The following HBP1 variants were observed in gnomAD, a reference collection of about 807,000 sequenced individuals.
The protein encoded by HBP1 is HMG-box transcription factor 1.
A neutral mutation model predicts 62.6 loss-of-function variants in HBP1; 20 were observed. The observed-to-expected ratio is 0.32, with a 90% confidence interval of 0.22 to 0.46. HBP1 has a LOEUF of 0.46. Ranked by LOEUF, HBP1 falls within the 20% of genes least tolerant of loss-of-function variation. HBP1 has a pLI of 1.00. For missense variants in HBP1, 480 were observed against 611.8 expected (o/e 0.78, Z 2.27); for synonymous variants, 232 against 206.2 (o/e 1.12, Z -1.07).
intron 1 of HBP1, among the ~76,000 whole-genome samples, chr7:107,170,697 G>A (rs1236858092): frequency 6.6e-6 from 1 of 151,856 alleles, no homozygotes; most frequent in East Asian, 1.9e-4. Context: ...TCACTTTCTA[G>A]TTTCATCTTA....
chr7:107,191,729 C>A (rs1328014566), intron 8 of HBP1, among the ~76,000 whole-genome samples: 16 of 152,104 alleles, frequency 1.1e-4, no homozygotes, highest in Admixed American at 1.0e-3. Flanking sequence ...AAAAATAAGT[C>A]TTGGAAATAT....
At chr7:107,194,484 T>C (rs991463978) in intron 8 of HBP1, among the ~76,000 whole-genome samples, 2 of 152,206 alleles carry the variant, frequency 1.3e-5, no homozygotes, top group African/African-American at 4.8e-5. Context: ...TGAGGTAATT[T>C]TGGAGTCATA....
At chr7:107,190,737 A>G (rs1293884580) in intron 8 of HBP1, among the ~76,000 whole-genome samples, 1 of 152,156 alleles carries the variant, frequency 6.6e-6, no homozygotes, top group Non-Finnish European at 1.5e-5. Flanking sequence ...TTTGTTTCAT[A>G]CTCATTTTGA....
chr7:107,187,361 T>C (rs558766039), intron 6 of HBP1, among the ~76,000 whole-genome samples: 2 of 152,364 alleles, frequency 1.3e-5, no homozygotes, highest in African/African-American at 4.8e-5. Flanking sequence ...AAGCCAATTA[T>C]ATTAAGTTAC....
intron 1 of HBP1, 50 bp from the exon 2 acceptor site, chr7:107,179,829 C>T (rs1440831280): frequency 1.6e-6 from 2 of 1,259,554 alleles, no homozygotes; most frequent in East Asian, 2.4e-5. Flanking sequence ...TTGTGTACTG[C>T]CCAAATTGCA....
intron 4 of HBP1, among the ~76,000 whole-genome samples, chr7:107,186,147 C>CTTTTTTTTTTTT (rs961142033): frequency 7.4e-6 from 1 of 135,116 alleles, no homozygotes; most frequent in African/African-American, 2.8e-5. Context: ...TTGTGTGTGT[C>CTTTTTTTTTTTT]TTTTTTTTCT....
chr7:107,174,264 G>T (rs774920180), intron 1 of HBP1, among the ~76,000 whole-genome samples: 3 of 152,182 alleles, frequency 2.0e-5, no homozygotes, highest in Non-Finnish European at 4.4e-5. Context: ...TTCTCTTACT[G>T]TATGGTAGCT....
chr7:107,180,072 AT>A lies in HBP1; in HGVS notation c.169+12del. 1.3e-6 allele frequency: 2 copies of A among 1,519,170 alleles called. No homozygotes were observed. The highest frequency in any genetic ancestry group is 1.8e-6 in the Non-Finnish European group (2 of 1,108,116). 94.1% of individuals were successfully genotyped at this position (1,519,170 alleles called of 1,614,324 possible). A position where few individuals can be genotyped will look rare whatever the true frequency, so the allele number is the denominator to read the frequency against. On this transcript the variant is annotated intron_variant, in intron 2 of 10. Coordinates refer to ENST00000222574, the MANE Select transcript of HBP1 (RefSeq NM_012257.4). ...GAACACATGGAGCTTGGTAAGCAAA[AT>A]TAAAAGTTATATAGAAATCTCACTA...
At chr7:107,171,837 GCA>G (rs1796613873) in intron 1 of HBP1, among the ~76,000 whole-genome samples, 1 of 140,174 alleles carries the variant, frequency 7.1e-6, no homozygotes, top group African/African-American at 2.7e-5. Flanking sequence ...TCCAGCCTGG[GCA>G]TCAGAACGAG....
intron 2 of HBP1, among the ~76,000 whole-genome samples, chr7:107,182,055 GGTT>G (rs1797132134): frequency 1.3e-5 from 2 of 152,070 alleles, no homozygotes; most frequent in Non-Finnish European, 2.9e-5. Flanking sequence ...CTGTATAACA[GGTT>G]ATTAAAGTAT....
At chr7:107,181,743 AATAT>A (rs899346384) in intron 2 of HBP1, among the ~76,000 whole-genome samples, 3 of 151,308 alleles carry the variant, frequency 2.0e-5, no homozygotes, top group Non-Finnish European at 4.4e-5. Flanking sequence ...TTTTTAAAAG[AATAT>A]ATATATAATT....
At chr7:107,187,700 T>G (rs1312042109) in intron 6 of HBP1, among the ~76,000 whole-genome samples, 2 of 152,230 alleles carry the variant, frequency 1.3e-5, no homozygotes. Context: ...AAAAATTGTC[T>G]CAAAGGTTAC....
In HBP1 at chr7:107,196,019, T is replaced by C. The variant is rs754451141; in HGVS notation, c.1253T>C (p.Val418Ala). The change falls in exon 9 of 11, where the codon GTC (valine) becomes GCC (alanine). Residue 418 changes from valine to alanine, a missense_variant. By Grantham distance (64) the Val-to-Ala change is moderately conservative. Transcript: ENST00000222574. ...TCCAATTCTTTGTATGCTAAAGCTG[T>C]CAAAAACCACAGCTCAGGGACTGTG... is the stretch of plus-strand genomic sequence containing the variant. ...LSSNSLYAKA[V>A]KNHSSGTVSA... is the part of the protein sequence containing the mutation. The C allele has an allele frequency of 8.1e-6, 13 of 1,613,908 alleles. No homozygotes were observed. The highest frequency in any genetic ancestry group is 3.3e-4 in the Middle Eastern group (2 of 6,084).
Position 107,201,388 on chromosome 7 carries a change from C to A in HBP1, c.1528-26C>A, listed in dbSNP as rs1226635697. On this transcript the variant is annotated intron_variant, in intron 10 of 10. Coordinates refer to ENST00000222574, the MANE Select transcript of HBP1 (RefSeq NM_012257.4). ...TACTATGTATTGATTTGTAAACATTCACTGAGTTTAATTTTATTTCCACAG... is the reference window on the plus strand; with the variant it reads ...TACTATGTATTGATTTGTAAACATTAACTGAGTTTAATTTTATTTCCACAG... 2.2e-5 allele frequency: 33 copies of A among 1,483,210 alleles called. No homozygotes were observed. The Admixed American group carries it at 5.3e-4, about 24-fold the overall frequency. 91.9% of individuals were successfully genotyped at this position (1,483,210 alleles called of 1,614,324 possible).
rs1798386570 is a variant in HBP1, at chr7:107,202,271, G to A, written c.*840G>A. 3 of 152,624 alleles carry A rather than the reference G, an allele frequency of 2.0e-5. No individual in the cohort carries two copies. Among genetic ancestry groups the A allele is most frequent in the Non-Finnish European group, 4.4e-5 (3 of 68,036 alleles). 9.5% of individuals were successfully genotyped at this position (152,624 alleles called of 1,614,324 possible). On this transcript the variant is annotated 3_prime_UTR_variant, in exon 11 of 11. Coordinates refer to ENST00000222574, the MANE Select transcript of HBP1 (RefSeq NM_012257.4). ...GGTGGGGGCAGACTTTGCACTTACTGCAGTGCAACACTTGCACTTTAATTT... is the reference window on the plus strand; with the variant it reads ...GGTGGGGGCAGACTTTGCACTTACTACAGTGCAACACTTGCACTTTAATTT...
At chr7:107,179,080 T>G (rs1796987785) in intron 1 of HBP1, among the ~76,000 whole-genome samples, 1 of 152,194 alleles carries the variant, frequency 6.6e-6, no homozygotes, top group Non-Finnish European at 1.5e-5. Context: ...GTAGTTCACT[T>G]TCAGAATGAA....
At chr7:107,197,306 G>A (rs1797958725) in intron 9 of HBP1, among the ~76,000 whole-genome samples, 1 of 152,116 alleles carries the variant, frequency 6.6e-6, no homozygotes, top group Non-Finnish European at 1.5e-5. Flanking sequence ...CCACAGTAAT[G>A]AATAGCTTTG....
At chr7:107,171,057 A>ACATG (rs1796546932) in intron 1 of HBP1, among the ~76,000 whole-genome samples, 1 of 62,778 alleles carries the variant, frequency 1.6e-5, no homozygotes, top group African/African-American at 1.9e-4. Flanking sequence ...ATATATATAT[A>ACATG]TATATATATA....
intron 1 of HBP1, among the ~76,000 whole-genome samples, chr7:107,171,775 G>T (rs533647968): frequency 9.3e-5 from 14 of 149,812 alleles, no homozygotes. Flanking sequence ...CAAGGGAATC[G>T]CTTGAACCCG....
Sources: allele counts gnomAD v4.1 joint callset (sites outside exome capture counted in the v4.1 genomes callset), GRCh38; gene constraint gnomAD v4.1.1; transcripts MANE v1.5; gene names NCBI Gene and HGNC (gene_info 2026-07-23, HGNC 2026-07-21).